The following LUZP2 variants were observed in gnomAD, a reference collection of about 807,000 sequenced individuals.
LUZP2 encodes the protein leucine zipper protein 2.
Under a neutral mutation model 51.6 loss-of-function variants are expected in LUZP2, and 52 were observed. That is an observed-to-expected ratio of 1.01 (90% CI 0.81 to 1.27). The LOEUF (loss-of-function observed/expected upper bound fraction) is 1.27. LUZP2 is among the 50% of genes most tolerant of loss of function. The pLI, the probability that LUZP2 is intolerant of heterozygous loss-of-function variation, is 0.00. For missense variants in LUZP2, 436 were observed against 395.4 expected, an observed-to-expected ratio of 1.10 and a Z score of -0.87; for synonymous variants, 154 against 137.3, an observed-to-expected ratio of 1.12 and a Z score of -0.85.
intron 5 of LUZP2, among the ~76,000 whole-genome samples, chr11:24,904,081 C>T (rs868744263): frequency 1.3e-5 from 2 of 152,146 alleles, no homozygotes; most frequent in Non-Finnish European, 2.9e-5. Flanking sequence ...TACTAATTTA[C>T]ATTCCCAGCA....
intron 9 of LUZP2, among the ~76,000 whole-genome samples, chr11:25,001,782 T>C (rs1370009924): frequency 6.6e-6 from 1 of 152,198 alleles, no homozygotes; most frequent in Non-Finnish European, 1.5e-5. Context: ...TCTTTGACTT[T>C]GTCTCTCTAT....
At chr11:24,745,430 G>A (rs1266584463) in intron 4 of LUZP2, among the ~76,000 whole-genome samples, 1 of 152,058 alleles carries the variant, frequency 6.6e-6, no homozygotes, top group Non-Finnish European at 1.5e-5. Flanking sequence ...ATATTTTCTT[G>A]TTGGACAAGG....
At chr11:24,827,641 A>C (rs1051966797) in intron 5 of LUZP2, among the ~76,000 whole-genome samples, 3 of 152,140 alleles carry the variant, frequency 2.0e-5, no homozygotes, top group Non-Finnish European at 4.4e-5. Context: ...GCATGATGGA[A>C]GTTGAGGCTG....
intron 1 of LUZP2, among the ~76,000 whole-genome samples, chr11:24,527,569 A>T (rs11027977): frequency 0.24 from 16,409 of 68,398 alleles, 930 homozygotes; most frequent in African/African-American, 0.29. Context: ...TCTCTCTCTC[A>T]CACACACACA....
chr11:24,788,180 A>ATTTTTTTTTTTTTTTTTTTTTTTTT (rs61308017), intron 5 of LUZP2, among the ~76,000 whole-genome samples: 2 of 83,396 alleles, frequency 2.4e-5, no homozygotes, highest in African/African-American at 4.4e-5. Context: ...TTTGTTTTTA[A>ATTTTTTTTTTTTTTTTTTTTTTTTT]TTTTTTTTTT....
chr11:24,681,115 G>A (rs1856722158), intron 1 of LUZP2, among the ~76,000 whole-genome samples: 1 of 151,868 alleles, frequency 6.6e-6, no homozygotes, highest in Non-Finnish European at 1.5e-5. Context: ...CCGAGTAGTT[G>A]GGACTACAGG....
intron 4 of LUZP2, among the ~76,000 whole-genome samples, chr11:24,751,918 C>T (rs868673510): frequency 7.9e-5 from 12 of 151,640 alleles, no homozygotes; most frequent in Admixed American, 2.6e-4. Context: ...AACAAAAAAT[C>T]ATAAAAAAAC....
intron 1 of LUZP2, among the ~76,000 whole-genome samples, chr11:24,582,986 G>A (rs1852926219): frequency 6.6e-6 from 1 of 152,100 alleles, no homozygotes; most frequent in South Asian, 2.1e-4. Flanking sequence ...CAAACGATAT[G>A]CAGTCATTTC....
chr11:25,007,285 C>T (rs185600713), intron 9 of LUZP2, among the ~76,000 whole-genome samples: 2 of 152,112 alleles, frequency 1.3e-5, no homozygotes, highest in Admixed American at 1.3e-4. Context: ...CAACAAAGAA[C>T]CTGAAATCCT....
chr11:24,497,385 G>C (rs571949979), intron 1 of LUZP2, 80 bp downstream of exon 1: 11 of 1,058,098 alleles, frequency 1.0e-5, no homozygotes, highest in Non-Finnish European at 1.4e-5. Context: ...CACCAGTGGG[G>C]GCCAAGGCAC....
At chr11:24,778,339 T>G (rs1848999857) in intron 5 of LUZP2, among the ~76,000 whole-genome samples, 1 of 152,166 alleles carries the variant, frequency 6.6e-6, no homozygotes. Context: ...CTCTTGAACC[T>G]AAGAGAATGA....
chr11:24,940,602 T>G (rs1305480363), intron 7 of LUZP2, among the ~76,000 whole-genome samples: 1 of 152,208 alleles, frequency 6.6e-6, no homozygotes, highest in East Asian at 1.9e-4. Context: ...TTTTGCAAAT[T>G]AATGAGTTAA....
chr11:24,498,214 G>C (rs764486217), intron 1 of LUZP2, among the ~76,000 whole-genome samples: 1 of 152,080 alleles, frequency 6.6e-6, no homozygotes, highest in Non-Finnish European at 1.5e-5. Flanking sequence ...TCTTTCCCTT[G>C]GCTACTATAA....
At chr11:24,831,560 AC>A (rs1456413672) in intron 5 of LUZP2, among the ~76,000 whole-genome samples, 1 of 152,204 alleles carries the variant, frequency 6.6e-6, no homozygotes, top group Non-Finnish European at 1.5e-5. Flanking sequence ...AATGATCTTA[AC>A]TATTCCAGAA....
At chr11:24,556,928 G>A (rs1390392372) in intron 1 of LUZP2, among the ~76,000 whole-genome samples, 1 of 151,992 alleles carries the variant, frequency 6.6e-6, no homozygotes, top group East Asian at 1.9e-4. Context: ...TTTGGCCTCT[G>A]GGCTTTTCGA....
chr11:24,952,580 A>T (rs1855106968), intron 7 of LUZP2, among the ~76,000 whole-genome samples: 1 of 151,832 alleles, frequency 6.6e-6, no homozygotes, highest in Non-Finnish European at 1.5e-5. Context: ...CCAATAATTG[A>T]CAGAGGTGAG....
chr11:25,077,838 G>A (rs1410673708), intron 11 of LUZP2, among the ~76,000 whole-genome samples: 10 of 152,068 alleles, frequency 6.6e-5, no homozygotes, highest in Admixed American at 5.9e-4. Context: ...CTCTTGCTGG[G>A]GCAGGATATT....
intron 9 of LUZP2, among the ~76,000 whole-genome samples, chr11:25,001,612 A>G (rs7928447): frequency 0.39 from 59,139 of 152,094 alleles, 13,788 homozygotes; most frequent in East Asian, 0.69. Context: ...AAGACCTTCA[A>G]TTATCAATTA....
intron 1 of LUZP2, among the ~76,000 whole-genome samples, chr11:24,626,676 T>C (rs1036208496): frequency 2.6e-5 from 4 of 152,186 alleles, no homozygotes; most frequent in Non-Finnish European, 5.9e-5. Flanking sequence ...GTAAGGAAAA[T>C]ACTATTGTGA....
Sources: allele counts gnomAD v4.1 joint callset (sites outside exome capture counted in the v4.1 genomes callset), GRCh38; gene constraint gnomAD v4.1.1; transcripts MANE v1.5; gene names NCBI Gene and HGNC (gene_info 2026-07-23, HGNC 2026-07-21).